SSBP3: variants seen among roughly 807,000 people sequenced by gnomAD.
SSBP3 encodes the protein single stranded DNA binding protein 3.
A neutral mutation model predicts 69.6 loss-of-function variants in SSBP3; 5 were observed. The ratio of observed to expected loss-of-function variants is 0.07; its 90% CI spans 0.04 to 0.15. SSBP3 has a LOEUF of 0.15. Among genes scored for constraint, SSBP3 ranks in the 10% least tolerant of loss-of-function variants. SSBP3 has a pLI of 1.00. For synonymous variants in SSBP3, 196 were observed against 193.4 expected (o/e 1.01, Z -0.11); for missense variants, 312 against 534.0 (o/e 0.58, Z 4.10).
rs373695264 is a variant in SSBP3, at chr1:54,399,234, G to C, written c.276+2627C>G. On this transcript the variant is annotated intron_variant, in intron 4 of 17. Coordinates refer to ENST00000610401, the Ensembl canonical transcript of SSBP3. The stretch of plus-strand genomic sequence containing the variant: ...TCGCCCGAAAGACAACCCTAAGTGA[G>C]AAGTTAGGTGGAATAGTGCCAACAA... Among the ~76,000 whole-genome samples, 8 of 152,364 alleles carry C rather than the reference G, an allele frequency of 5.3e-5. No individual in the cohort carries two copies. The East Asian group carries it at 1.3e-3, about 26-fold the overall frequency.
At position 54,384,960 on chromosome 1, in the gene SSBP3, C is replaced by T. The variant is rs187998068; in HGVS notation, c.276+16901G>A. On this transcript the variant is annotated intron_variant, in intron 4 of 17. Transcript: ENST00000610401. ...TCCAGTTGTCGACACACCCTGTCTC[C>T]TCTCTGGCTAATGGTGGCCCCAGCT... 1.6e-4 allele frequency among the ~76,000 whole-genome samples: 24 copies of T among 152,354 alleles called. 1 individual carries two copies. In the East Asian group the frequency reaches 4.6e-3, roughly 29 times the overall value.
intron 4 of SSBP3, among the ~76,000 whole-genome samples, chr1:54,337,707 G>A (rs1646535406): frequency 2.0e-5 from 3 of 151,812 alleles, no homozygotes. Flanking sequence ...TGTTGGCCAG[G>A]CTGGTCTTGA....
Position 54,240,529 on chromosome 1 carries a change from G to A in SSBP3, c.856+376C>T, listed in dbSNP as rs571811855. ...CTATATAGAGGACCAGAAGCCAGGAGCTACGGAAACTCCAAAGGTAGCATG... is the reference window on the plus strand; with the variant it reads ...CTATATAGAGGACCAGAAGCCAGGAACTACGGAAACTCCAAAGGTAGCATG... On this transcript the variant is annotated intron_variant, in intron 13 of 17. Transcript: ENST00000610401. Among the ~76,000 whole-genome samples, 326 of 150,734 alleles carry A rather than the reference G, an allele frequency of 2.2e-3. 1 individual carries two copies. The highest frequency in any genetic ancestry group is 7.7e-3 in the African/African-American group (315 of 41,040).
intron 4 of SSBP3, among the ~76,000 whole-genome samples, chr1:54,325,957 C>T (rs1049918402): frequency 1.3e-5 from 2 of 151,838 alleles, no homozygotes; most frequent in African/African-American, 4.8e-5. Flanking sequence ...AGCTCCCCCC[C>T]GCCACCCCCC....
At chr1:54,290,899 A>G (rs1645593527) in intron 4 of SSBP3, among the ~76,000 whole-genome samples, 1 of 152,196 alleles carries the variant, frequency 6.6e-6, no homozygotes, top group South Asian at 2.1e-4. Context: ...AATGAGCTTC[A>G]GGCCCTAGTT....
At chr1:54,310,601 C>G (rs943650919) in intron 4 of SSBP3, among the ~76,000 whole-genome samples, 28 of 152,204 alleles carry the variant, frequency 1.8e-4, no homozygotes, top group African/African-American at 6.0e-4. Context: ...CTCCCTCCCC[C>G]ACCCTCACAG....
chr1:54,257,327 G>T, intron 6 of SSBP3, 141 bp from the exon 7 acceptor site: 1 of 678,500 alleles, frequency 1.5e-6, no homozygotes, highest in South Asian at 2.3e-5. Flanking sequence ...TCTTCCCTTT[G>T]ACAGCAAAAC....
chr1:54,407,240 C>A (rs1271608607), upstream of SSBP3, among the ~76,000 whole-genome samples: 5 of 152,268 alleles, frequency 3.3e-5, no homozygotes, highest in East Asian at 9.7e-4. Flanking sequence ...CCAGTCTTGG[C>A]AAGTTAGCCC....
intron 4 of SSBP3, among the ~76,000 whole-genome samples, chr1:54,318,904 G>A (rs61776534): frequency 0.011 from 1,629 of 152,244 alleles, 13 homozygotes; most frequent in Non-Finnish European, 0.016. Flanking sequence ...GGATGTATCC[G>A]GCACCTTTCC....
intron 5 of SSBP3, among the ~76,000 whole-genome samples, chr1:54,278,193 T>C (rs771097224): frequency 2.3e-4 from 35 of 152,310 alleles, no homozygotes; most frequent in Non-Finnish European, 4.6e-4. Flanking sequence ...CCCTCCCTGA[T>C]CAGAATGTTG....
intron 3 of SSBP3, among the ~76,000 whole-genome samples, chr1:54,403,678 C>G (rs1219386610): frequency 1.3e-5 from 2 of 152,190 alleles, no homozygotes; most frequent in South Asian, 2.1e-4. Flanking sequence ...AAGATCCCAA[C>G]GACAGGAGAC....
intron 14 of SSBP3, among the ~76,000 whole-genome samples, chr1:54,229,895 C>G (rs1458259803): frequency 6.6e-6 from 1 of 152,230 alleles, no homozygotes; most frequent in Non-Finnish European, 1.5e-5. Flanking sequence ...GACAGAGATG[C>G]TGACTTCCAA....
chr1:54,349,794 T>C (rs993899512), intron 4 of SSBP3, among the ~76,000 whole-genome samples: 26 of 152,136 alleles, frequency 1.7e-4, no homozygotes, highest in Non-Finnish European at 8.8e-5. Context: ...CTGGGATTCA[T>C]AGCCATTTCA....
At chr1:54,297,240 C>A (rs530529724) in intron 4 of SSBP3, among the ~76,000 whole-genome samples, 8 of 152,362 alleles carry the variant, frequency 5.3e-5, no homozygotes, top group African/African-American at 1.9e-4. Flanking sequence ...AGGAGTCCAA[C>A]CTGAATTTGC....
Position 54,404,743 on chromosome 1 carries a change from A to C in SSBP3, c.130-106T>G. The C allele has an allele frequency of 5.1e-6, 7 of 1,371,578 alleles. No homozygotes were observed. In the South Asian group the frequency reaches 8.1e-5, roughly 16 times the overall value. 85.0% of individuals were successfully genotyped at this position (1,371,578 alleles called of 1,614,324 possible). A position where few individuals can be genotyped will look rare whatever the true frequency, so the allele number is the denominator to read the frequency against. ...AGACCAACTAACAATAAATGCCAAA[A>C]GGTGATAAAAATTCAAAATGGTGGC... On this transcript the variant is annotated intron_variant, in intron 2 of 17. Coordinates refer to ENST00000610401, the Ensembl canonical transcript of SSBP3.
intron 4 of SSBP3, among the ~76,000 whole-genome samples, chr1:54,288,509 C>T (rs1300993299): frequency 6.7e-6 from 1 of 149,980 alleles, no homozygotes; most frequent in Non-Finnish European, 1.5e-5. Context: ...TGTCTGCCAC[C>T]TGGGTATGAC....
At chr1:54,269,941 C>T (rs1008183415) in intron 5 of SSBP3, among the ~76,000 whole-genome samples, 2 of 152,176 alleles carry the variant, frequency 1.3e-5, no homozygotes, top group East Asian at 1.9e-4. Context: ...GCCCTGTGGA[C>T]GATGATTGTG....
At chr1:54,351,200 G>A (rs1429461018) in intron 4 of SSBP3, among the ~76,000 whole-genome samples, 1 of 152,146 alleles carries the variant, frequency 6.6e-6, no homozygotes, top group Non-Finnish European at 1.5e-5. Context: ...GTAAAAGTAG[G>A]AAAACAGCCT....
chr1:54,402,077 G>T, intron 3 of SSBP3, 132 bp from the exon 4 acceptor site: 1 of 693,666 alleles, frequency 1.4e-6, no homozygotes, highest in Non-Finnish European at 2.4e-6. Flanking sequence ...AGCTCTCATT[G>T]GGCAAACAGC....
Sources: gnomAD v4.1 joint callset for allele counts (sites outside exome capture counted in the v4.1 genomes callset) on GRCh38, gnomAD v4.1.1 for gene constraint, MANE v1.5 for transcripts, NCBI Gene and HGNC (gene_info 2026-07-23, HGNC 2026-07-21) for gene names.